RAB31: variants seen among roughly 807,000 people sequenced by gnomAD.
RAB31 encodes the protein RAB31, member RAS oncogene family, also known as ras-related protein Rab-31.
In RAB31, 21 loss-of-function variants were observed where a neutral mutation model predicts 25.6. The observed-to-expected ratio is 0.82, with a 90% confidence interval of 0.58 to 1.18. The LOEUF is 1.18. Ranked by LOEUF, RAB31 falls within the 50% of genes most tolerant of loss-of-function variation. The pLI, the probability that RAB31 is intolerant of heterozygous loss-of-function variation, is 0.00. For synonymous variants in RAB31, 87 were observed against 84.0 expected, an observed-to-expected ratio of 1.04 and a Z score of -0.20; for missense variants, 196 against 250.1, an observed-to-expected ratio of 0.78 and a Z score of 1.46.
At chr18:9,839,256 G>C (rs1335318522) in intron 5 of RAB31, among the ~76,000 whole-genome samples, 1 of 152,178 alleles carries the variant, frequency 6.6e-6, no homozygotes, top group Non-Finnish European at 1.5e-5. Flanking sequence ...GTGGGTGCAA[G>C]AACCCAAAGT....
At chr18:9,806,391 C>T (rs1336979584) in intron 3 of RAB31, among the ~76,000 whole-genome samples, 1 of 152,076 alleles carries the variant, frequency 6.6e-6, no homozygotes, top group East Asian at 1.9e-4. Context: ...GGGAGGGTGG[C>T]AGTTGATTAA....
chr18:9,725,218 T>C (rs1237932205), intron 1 of RAB31, among the ~76,000 whole-genome samples: 1 of 152,160 alleles, frequency 6.6e-6, no homozygotes, highest in African/African-American at 2.4e-5. Context: ...CCACATTTTA[T>C]TGATCAAGCA....
chr18:9,799,441 A>G (rs554841785), intron 3 of RAB31, among the ~76,000 whole-genome samples: 78 of 152,358 alleles, frequency 5.1e-4, no homozygotes, highest in South Asian at 4.3e-3. Context: ...TCCTGAGCAC[A>G]GGAATCTCAA....
At chr18:9,791,380 AAC>A (rs1465121820) in intron 2 of RAB31, among the ~76,000 whole-genome samples, 2 of 149,806 alleles carry the variant, frequency 1.3e-5, no homozygotes, top group South Asian at 2.1e-4. Flanking sequence ...TGGTTTTAGA[AAC>A]ACAGTCTTTT....
intron 6 of RAB31, among the ~76,000 whole-genome samples, chr18:9,857,300 C>G (rs1456199617): frequency 6.6e-6 from 1 of 152,146 alleles, no homozygotes; most frequent in African/African-American, 2.4e-5. Context: ...CCTTTGAAAT[C>G]AACTCTTTTT....
chr18:9,800,125 T>C (rs1264152775), intron 3 of RAB31, among the ~76,000 whole-genome samples: 5 of 152,194 alleles, frequency 3.3e-5, no homozygotes, highest in African/African-American at 4.8e-5. Context: ...TGCGGGAGCC[T>C]AGAGTCAACA....
chr18:9,760,399 C>T (rs978516753), intron 1 of RAB31, among the ~76,000 whole-genome samples: 5 of 152,272 alleles, frequency 3.3e-5, no homozygotes, highest in African/African-American at 1.2e-4. Flanking sequence ...TCTTGAACTT[C>T]TGAGCTCAAG....
intron 1 of RAB31, among the ~76,000 whole-genome samples, chr18:9,719,138 C>T (rs539595771): frequency 2.0e-5 from 3 of 150,226 alleles, no homozygotes; most frequent in East Asian, 2.0e-4. Context: ...AGCGTGGTGG[C>T]GTGCGCCTAT....
At chr18:9,777,592 C>T (rs1263138194) in intron 2 of RAB31, among the ~76,000 whole-genome samples, 1 of 151,880 alleles carries the variant, frequency 6.6e-6, no homozygotes, top group Non-Finnish European at 1.5e-5. Context: ...TCTTATTTTT[C>T]ACTTTGTGTG....
chr18:9,708,577 C>T lies in RAB31; in HGVS notation c.39+133C>T. The T allele has an allele frequency of 1.3e-6, 1 of 781,036 alleles. No homozygotes were observed. 48.4% of individuals were successfully genotyped at this position (781,036 alleles called of 1,614,324 possible). A position where few individuals can be genotyped will look rare whatever the true frequency, so the allele number is the denominator to read the frequency against. Reference sequence around the variant, plus strand: ...CCCCTCTCGTAGCCCCCGTCCCCCTCGTCCGCGCGCCCCCTGGTTCCCCGG... The same window carrying T: ...CCCCTCTCGTAGCCCCCGTCCCCCTTGTCCGCGCGCCCCCTGGTTCCCCGG... On this transcript the variant is annotated intron_variant, in intron 1 of 6. Transcript: ENST00000578921. The surrounding 1 kb of genome is among the most constrained non-coding windows in gnomAD (Gnocchi z 6.4).
At chr18:9,799,255 C>T (rs968227726) in intron 3 of RAB31, among the ~76,000 whole-genome samples, 5 of 152,190 alleles carry the variant, frequency 3.3e-5, no homozygotes, top group African/African-American at 1.2e-4. Context: ...GAAGAAAGCT[C>T]CGCTCAGTGC....
intron 2 of RAB31, among the ~76,000 whole-genome samples, chr18:9,785,805 A>G (rs1030239450): frequency 1.3e-5 from 2 of 152,156 alleles, no homozygotes; most frequent in African/African-American, 4.8e-5. Context: ...TCACGCCTGT[A>G]ATCCCATCAC....
chr18:9,828,540 C>T (rs1221506219), intron 5 of RAB31, among the ~76,000 whole-genome samples: 1 of 152,130 alleles, frequency 6.6e-6, no homozygotes, highest in South Asian at 2.1e-4. Context: ...TTAGAAACAC[C>T]ACCAGCCATC....
chr18:9,858,991 G>C (rs1475255958), intron 6 of RAB31, among the ~76,000 whole-genome samples: 1 of 152,138 alleles, frequency 6.6e-6, no homozygotes, highest in East Asian at 1.9e-4. Flanking sequence ...CTGCTGGACT[G>C]TTCCTTACCT....
At chr18:9,804,918 G>A (rs1281300265) in intron 3 of RAB31, among the ~76,000 whole-genome samples, 1 of 152,114 alleles carries the variant, frequency 6.6e-6, no homozygotes, top group Admixed American at 6.6e-5. Flanking sequence ...ATTGCCACAC[G>A]CTCAGTGGCT....
chr18:9,847,444 G>A (rs1239012589), intron 6 of RAB31, among the ~76,000 whole-genome samples: 1 of 152,194 alleles, frequency 6.6e-6, no homozygotes, highest in African/African-American at 2.4e-5. Context: ...TGTATGACCT[G>A]AACTTGAGCT....
At chr18:9,800,630 T>C (rs1215138284) in intron 3 of RAB31, among the ~76,000 whole-genome samples, 1 of 152,168 alleles carries the variant, frequency 6.6e-6, no homozygotes. Flanking sequence ...CTGTCCTCAT[T>C]CTCTGTTGGC....
intron 1 of RAB31, among the ~76,000 whole-genome samples, chr18:9,732,328 C>G (rs1400155398): frequency 2.4e-5 from 3 of 123,846 alleles, no homozygotes; most frequent in Non-Finnish European, 5.1e-5. Context: ...TGCTCTGTCT[C>G]CAGAGAAACC....
intron 6 of RAB31, among the ~76,000 whole-genome samples, chr18:9,846,234 C>G (rs907505091): frequency 2.0e-5 from 3 of 152,188 alleles, no homozygotes; most frequent in Admixed American, 6.5e-5. Context: ...TTCCTGGTCC[C>G]AGTGCTGGGT....
Sources: allele counts gnomAD v4.1 joint callset (sites outside exome capture counted in the v4.1 genomes callset), GRCh38; gene constraint gnomAD v4.1.1; non-coding constraint Gnocchi (gnomAD v3.1); transcripts MANE v1.5; gene names NCBI Gene and HGNC (gene_info 2026-07-23, HGNC 2026-07-21).